CACNA2D3: variants seen among roughly 807,000 people sequenced by gnomAD.
CACNA2D3 encodes the protein voltage-dependent calcium channel subunit alpha-2/delta-3.
CACNA2D3 carries 60 observed loss-of-function variants against 160.6 expected under a neutral mutation model. That is an observed-to-expected ratio of 0.37 (90% CI 0.30 to 0.46). The LOEUF is 0.46. CACNA2D3 is among the 20% of genes least tolerant of loss of function. The pLI is 1.00. For missense variants in CACNA2D3, 1,205 were observed against 1,365.0 expected, an observed-to-expected ratio of 0.88 and a Z score of 1.85; for synonymous variants, 558 against 492.9, an observed-to-expected ratio of 1.13 and a Z score of -1.75.
chr3:54,876,851 C>T (rs138890448), intron 18 of CACNA2D3, among the ~76,000 whole-genome samples: 11 of 152,326 alleles, frequency 7.2e-5, no homozygotes, highest in South Asian at 4.1e-4. Flanking sequence ...AATCTGATGA[C>T]CTCCCTTTTT....
chr3:54,703,753 C>T (rs187057945), intron 11 of CACNA2D3, among the ~76,000 whole-genome samples: 4 of 152,230 alleles, frequency 2.6e-5, no homozygotes, highest in African/African-American at 7.2e-5. Context: ...GTCACCCAAG[C>T]GCCAAGTTGC....
chr3:54,701,264 T>C (rs900368533), intron 11 of CACNA2D3, among the ~76,000 whole-genome samples: 1 of 152,172 alleles, frequency 6.6e-6, no homozygotes, highest in African/African-American at 2.4e-5. Flanking sequence ...AGAAGCAAAT[T>C]ATATGAGAAA....
chr3:54,243,890 A>G (rs1438240191), intron 2 of CACNA2D3, among the ~76,000 whole-genome samples: 6 of 152,160 alleles, frequency 3.9e-5, no homozygotes, highest in African/African-American at 1.4e-4. Flanking sequence ...GAATATGGAG[A>G]TGGAAATTAG....
intron 27 of CACNA2D3, among the ~76,000 whole-genome samples, chr3:54,926,200 A>T (rs1448824345): frequency 1.3e-5 from 2 of 152,206 alleles, no homozygotes; most frequent in African/African-American, 4.8e-5. Flanking sequence ...TCAAATAAAC[A>T]TATAGCATGC....
chr3:55,002,313 T>C (rs1051434286), intron 31 of CACNA2D3, among the ~76,000 whole-genome samples: 8 of 152,132 alleles, frequency 5.3e-5, no homozygotes, highest in Non-Finnish European at 8.8e-5. Context: ...ATGTTTTAGG[T>C]GTAGAGACAG....
intron 35 of CACNA2D3, among the ~76,000 whole-genome samples, chr3:55,042,704 TG>T (rs1703982591): frequency 6.6e-6 from 1 of 152,164 alleles, no homozygotes; most frequent in Non-Finnish European, 1.5e-5. Context: ...TATTTACAGT[TG>T]TGTATTTACT....
chr3:54,229,085 T>C (rs12488090), intron 2 of CACNA2D3, among the ~76,000 whole-genome samples: 4,379 of 152,340 alleles, frequency 0.029, 180 homozygotes, highest in East Asian at 0.21. Context: ...ATTTCCTTTC[T>C]TTCTTGTTTG....
intron 11 of CACNA2D3, among the ~76,000 whole-genome samples, chr3:54,741,985 G>T (rs1481986857): frequency 2.0e-5 from 3 of 151,840 alleles, no homozygotes; most frequent in Admixed American, 6.6e-5. Flanking sequence ...CGACAATTCA[G>T]TCTTCCAAGT....
chr3:54,911,687 C>T (rs567134893), intron 27 of CACNA2D3, among the ~76,000 whole-genome samples: 4 of 152,186 alleles, frequency 2.6e-5, no homozygotes, highest in Non-Finnish European at 5.9e-5. Flanking sequence ...CAGCTTCTAC[C>T]GCTTCCCCTG....
chr3:54,818,228 C>T (rs1559593694), intron 14 of CACNA2D3, among the ~76,000 whole-genome samples: 1 of 152,208 alleles, frequency 6.6e-6, no homozygotes, highest in Non-Finnish European at 1.5e-5. Context: ...CTCACTATGT[C>T]ACCCAGGCTG....
intron 27 of CACNA2D3, among the ~76,000 whole-genome samples, chr3:54,906,753 T>G (rs1158541798): frequency 6.6e-6 from 1 of 152,224 alleles, no homozygotes. Context: ...TTTGACATTT[T>G]TATTAAGCTA....
At chr3:54,132,932 C>CA (rs761961825) in intron 2 of CACNA2D3, among the ~76,000 whole-genome samples, 3 of 152,120 alleles carry the variant, frequency 2.0e-5, no homozygotes, top group Admixed American at 6.5e-5. Context: ...TGAGAAGATG[C>CA]ATGCAGGATG....
At chr3:54,264,255 T>G (rs1219196060) in intron 2 of CACNA2D3, among the ~76,000 whole-genome samples, 1 of 152,218 alleles carries the variant, frequency 6.6e-6, no homozygotes, top group African/African-American at 2.4e-5. Flanking sequence ...GTATCACTTC[T>G]GTGGGCTGAT....
At chr3:54,448,460 C>G (rs1488777171) in intron 4 of CACNA2D3, among the ~76,000 whole-genome samples, 1 of 152,190 alleles carries the variant, frequency 6.6e-6, no homozygotes, top group African/African-American at 2.4e-5. Context: ...GTTTCTTCCT[C>G]CCCTGGGTTA....
chr3:54,249,764 G>GTT (rs11301633), intron 2 of CACNA2D3, among the ~76,000 whole-genome samples: 2 of 141,344 alleles, frequency 1.4e-5, no homozygotes, highest in Admixed American at 7.0e-5. Flanking sequence ...CCAAAATTAT[G>GTT]TTTTTTTTTT....
intron 11 of CACNA2D3, among the ~76,000 whole-genome samples, chr3:54,729,092 T>A (rs537445967): frequency 6.6e-6 from 1 of 152,130 alleles, no homozygotes; most frequent in Non-Finnish European, 1.5e-5. Flanking sequence ...TGCCACTAAT[T>A]CTAGATTGCT....
chr3:54,629,889 T>G (rs1442673665), intron 10 of CACNA2D3, among the ~76,000 whole-genome samples: 1 of 152,208 alleles, frequency 6.6e-6, no homozygotes, highest in Non-Finnish European at 1.5e-5. Flanking sequence ...TCTTTCCCTG[T>G]TCTCTGGCCT....
At position 54,775,320 on chromosome 3, in the gene CACNA2D3, A is replaced by G. The variant is rs190676392; in HGVS notation, c.1380+10969A>G. Among the ~76,000 whole-genome samples the G allele has an allele frequency of 1.2e-4, 19 of 152,350 alleles. No individual in the cohort carries two copies. In the East Asian group the frequency reaches 3.5e-3, roughly 28 times the overall value. On this transcript the variant is annotated intron_variant, in intron 13 of 37. Transcript: ENST00000474759. ...AGCAGGGTATTAATTATGATACCAT[A>G]CTGTTAAGCTATGGAGCCCTTTAGT...
At chr3:54,462,219 G>C (rs562074067) in intron 4 of CACNA2D3, among the ~76,000 whole-genome samples, 7 of 152,150 alleles carry the variant, frequency 4.6e-5, no homozygotes, top group African/African-American at 1.4e-4. Flanking sequence ...TTTTGGAATA[G>C]GTGTGGTGTG....
Sources: gnomAD v4.1 joint callset for allele counts (sites outside exome capture counted in the v4.1 genomes callset) on GRCh38, gnomAD v4.1.1 for gene constraint, MANE v1.5 for transcripts, NCBI Gene and HGNC (gene_info 2026-07-23, HGNC 2026-07-21) for gene names.